CUBN: variants seen among roughly 807,000 people sequenced by gnomAD.
CUBN encodes the protein 460 kDa receptor.
A neutral mutation model predicts 405.3 loss-of-function variants in CUBN; 282 were observed. The ratio of observed to expected loss-of-function variants is 0.70; its 90% CI spans 0.63 to 0.77. The LOEUF (loss-of-function observed/expected upper bound fraction) is 0.77. Ranked by LOEUF, CUBN falls within the 30% of genes least tolerant of loss-of-function variation. The pLI, the probability that CUBN is intolerant of heterozygous loss-of-function variation, is 0.00. For missense variants in CUBN, 4,514 were observed against 4,475.2 expected (o/e 1.01, Z -0.25); for synonymous variants, 1,684 against 1,617.0 (o/e 1.04, Z -0.99).
intron 32 of CUBN, among the ~76,000 whole-genome samples, chr10:16,953,567 G>C (rs1842974011): frequency 6.6e-6 from 1 of 152,156 alleles, no homozygotes; most frequent in Non-Finnish European, 1.5e-5. Context: ...TGGGTAAAAA[G>C]GTCTTGGAGA....
chr10:17,063,991 A>G (rs889608343), intron 22 of CUBN, among the ~76,000 whole-genome samples: 20 of 152,218 alleles, frequency 1.3e-4, no homozygotes, highest in Non-Finnish European at 2.5e-4. Context: ...ATAAAACTAC[A>G]ACAGCATGAA....
intron 44 of CUBN, among the ~76,000 whole-genome samples, chr10:16,919,719 C>G (rs750602478): frequency 2.0e-4 from 30 of 152,082 alleles, no homozygotes; most frequent in Non-Finnish European, 3.8e-4. Flanking sequence ...CAAGTAGCCA[C>G]CCTCAGTGTC....
chr10:16,869,557 T>TGGGGG (rs59702069), intron 59 of CUBN, 79 bp downstream of exon 59: 54 of 708,544 alleles, frequency 7.6e-5, no homozygotes, highest in African/African-American at 6.4e-4. Flanking sequence ...CAGGTGGGGG[T>TGGGGG]GGGGGGGGGG....
chr10:16,893,710 A>G (rs1468088160), intron 54 of CUBN, among the ~76,000 whole-genome samples: 1 of 152,142 alleles, frequency 6.6e-6, no homozygotes, highest in Non-Finnish European at 1.5e-5. Context: ...GTTTGTTTTT[A>G]TTCAGGAGTT....
At chr10:16,956,872 A>AT (rs1048456678) in intron 31 of CUBN, among the ~76,000 whole-genome samples, 1 of 152,018 alleles carries the variant, frequency 6.6e-6, no homozygotes, top group Non-Finnish European at 1.5e-5. Flanking sequence ...GTTTATATTT[A>AT]TTTTTTATTT....
intron 40 of CUBN, among the ~76,000 whole-genome samples, chr10:16,929,142 G>C (rs1220799190): frequency 1.3e-5 from 2 of 152,040 alleles, no homozygotes; most frequent in Non-Finnish European, 2.9e-5. Context: ...ATCTGTGTTT[G>C]TTCATTGCTT....
chr10:17,047,251 C>A (rs546719447), intron 23 of CUBN, among the ~76,000 whole-genome samples, 163 bp downstream of exon 23: 1 of 152,268 alleles, frequency 6.6e-6, no homozygotes, highest in African/African-American at 2.4e-5. Flanking sequence ...CTGTATTTCT[C>A]CTAAGTCAGG....
intron 60 of CUBN, among the ~76,000 whole-genome samples, chr10:16,845,551 A>G (rs144837671): frequency 6.6e-6 from 1 of 152,344 alleles, no homozygotes; most frequent in African/African-American, 2.4e-5. Flanking sequence ...TGTCTGGGAA[A>G]AAGCCACAAA....
At chr10:17,112,083 G>C (rs1321322985) in intron 8 of CUBN, among the ~76,000 whole-genome samples, 1 of 152,158 alleles carries the variant, frequency 6.6e-6, no homozygotes, top group African/African-American at 2.4e-5. Context: ...TGAGATTTAA[G>C]AATTTTACTT....
At chr10:17,000,469 G>C (rs778257761) in intron 28 of CUBN, among the ~76,000 whole-genome samples, 3 of 152,218 alleles carry the variant, frequency 2.0e-5, no homozygotes, top group Non-Finnish European at 4.4e-5. Context: ...TGAACCTAAA[G>C]AAAGAATGAA....
intron 36 of CUBN, among the ~76,000 whole-genome samples, chr10:16,946,845 G>T (rs4747288): frequency 0.12 from 18,810 of 152,054 alleles, 2,542 homozygotes; most frequent in African/African-American, 0.32. Flanking sequence ...TTGAGGTAGG[G>T]ATAAGATAAA....
chr10:16,937,214 A>G (rs1312180706), intron 39 of CUBN, among the ~76,000 whole-genome samples: 1 of 152,236 alleles, frequency 6.6e-6, no homozygotes, highest in Non-Finnish European at 1.5e-5. Context: ...TAAAATGCAG[A>G]GGAAAAATAG....
In CUBN at chr10:16,874,437, T is replaced by C; in HGVS notation, c.9173A>G (p.Tyr3058Cys). ...ATACAGACAGTGCATATCATTTGGG[T>C]AGTCTGCGTATGAATAGGCAGGACT... ...ITSPAYSYAD[Y>C]PNDMHCLYTI... The change falls in exon 58 of 67, where the codon TAC becomes TGC. Residue 3058 changes from tyrosine (Y) to cysteine (C), a missense_variant. By Grantham distance (194) the Tyr-to-Cys change is radical. Around this residue, in one of 5 missense-constraint regions of CUBN, gnomAD observed 1,186 missense variants for 1,186.9 expected, o/e 1.00. Transcript: ENST00000377833. 1 of 1,614,094 alleles carries C rather than the reference T, an allele frequency of 6.2e-7. No homozygotes were observed. The highest frequency in any genetic ancestry group is 8.5e-7 in the Non-Finnish European group (1 of 1,179,918).
chr10:17,084,416 A>G lies in CUBN; in HGVS notation c.2156T>C (p.Leu719Pro). 14 of 1,614,052 alleles carry G rather than the reference A, an allele frequency of 8.7e-6. No individual in the cohort carries two copies. Among genetic ancestry groups the G allele is most frequent in the Non-Finnish European group, 1.2e-5 (14 of 1,180,002 alleles). Reference protein sequence around the residue: ...GGNYTDPEGELFLPELSGPFT... With the variant: ...GGNYTDPEGEPFLPELSGPFT... ...AGGCCCAGACAACTCAGGCAAGAAGAGTTCACCCTCTGGGTCCGTGTAGTT... is the reference window on the plus strand; with the variant it reads ...AGGCCCAGACAACTCAGGCAAGAAGGGTTCACCCTCTGGGTCCGTGTAGTT... Residue 719 changes from leucine (L) to proline (P), a missense_variant, in exon 17 of 67, where the codon CTC (leucine) becomes CCC (proline). Leu to Pro is a moderately conservative substitution (Grantham distance 98, BLOSUM62 -3). Coordinates refer to ENST00000377833, the MANE Select transcript of CUBN (RefSeq NM_001081.4).
intron 31 of CUBN, among the ~76,000 whole-genome samples, chr10:16,960,339 A>G (rs535853922): frequency 1.3e-4 from 20 of 152,254 alleles, no homozygotes; most frequent in African/African-American, 4.6e-4. Flanking sequence ...TAAAAATACA[A>G]AAATTAGCCA....
At chr10:16,923,199 T>C (rs1170423811) in intron 43 of CUBN, among the ~76,000 whole-genome samples, 1 of 151,966 alleles carries the variant, frequency 6.6e-6, no homozygotes, top group Non-Finnish European at 1.5e-5. Context: ...GTGAACTCCT[T>C]GGCAGAACTC....
chr10:16,854,503 G>C (rs1839813699), intron 59 of CUBN, among the ~76,000 whole-genome samples: 1 of 152,160 alleles, frequency 6.6e-6, no homozygotes, highest in Admixed American at 6.5e-5. Flanking sequence ...TTACATGCAA[G>C]GGAACGAGAC....
intron 31 of CUBN, among the ~76,000 whole-genome samples, chr10:16,981,578 A>G (rs1239066682): frequency 1.3e-5 from 2 of 152,262 alleles, no homozygotes; most frequent in Non-Finnish European, 2.9e-5. Flanking sequence ...GGGGTCGCAG[A>G]CACCCTCTCC....
chr10:17,035,790 A>G (rs1473827384), intron 27 of CUBN, among the ~76,000 whole-genome samples: 2 of 151,766 alleles, frequency 1.3e-5, no homozygotes, highest in African/African-American at 4.8e-5. Flanking sequence ...AGTGCTGAGA[A>G]CACATGGACA....
Sources: gnomAD v4.1 joint callset for allele counts (sites outside exome capture counted in the v4.1 genomes callset) on GRCh38, gnomAD v4.1.1 for gene constraint, gnomAD v4.1.1 regional missense constraint, MANE v1.5 for transcripts, NCBI Gene and HGNC (gene_info 2026-07-23, HGNC 2026-07-21) for gene names.